The following DDX4 variants were observed in gnomAD, a reference collection of about 807,000 sequenced individuals.
The protein encoded by DDX4 is probable ATP-dependent RNA helicase DDX4.
DDX4 carries 25 observed loss-of-function variants against 100.0 expected under a neutral mutation model. That is an observed-to-expected ratio of 0.25 (90% CI 0.18 to 0.35). The LOEUF is 0.35. Among genes scored for constraint, DDX4 ranks in the 10% least tolerant of loss-of-function variants. The probability of loss-of-function intolerance (pLI) is 1.00; values close to 1 mark genes in which losing one functional copy is unlikely to be tolerated. For missense variants in DDX4, 635 were observed against 882.4 expected, an observed-to-expected ratio of 0.72 and a Z score of 3.55; for synonymous variants, 259 against 275.7, an observed-to-expected ratio of 0.94 and a Z score of 0.60.
At chr5:55,802,956 CT>C (rs907152574) in intron 18 of DDX4, among the ~76,000 whole-genome samples, 53 of 151,968 alleles carry the variant, frequency 3.5e-4, no homozygotes, top group African/African-American at 1.2e-3. Flanking sequence ...ACAGTAAACC[CT>C]TTTTTTATTA....
At chr5:55,741,836 A>G (rs1758995931) in intron 2 of DDX4, among the ~76,000 whole-genome samples, 1 of 151,316 alleles carries the variant, frequency 6.6e-6, no homozygotes, top group Admixed American at 6.6e-5. Context: ...TTACATTTTT[A>G]TGTAGAACAA....
intron 2 of DDX4, among the ~76,000 whole-genome samples, chr5:55,742,849 T>C (rs1181945036): frequency 1.3e-5 from 2 of 152,078 alleles, no homozygotes; most frequent in Non-Finnish European, 2.9e-5. Context: ...TAGTGAAAAG[T>C]ACTATAAAAA....
intron 16 of DDX4, among the ~76,000 whole-genome samples, chr5:55,791,509 T>C (rs894010846): frequency 6.6e-6 from 1 of 152,194 alleles, no homozygotes; most frequent in African/African-American, 2.4e-5. Context: ...CATGCAAAGG[T>C]AAGAGGTTCC....
intron 3 of DDX4, among the ~76,000 whole-genome samples, chr5:55,759,535 T>C (rs1760170847): frequency 6.6e-6 from 1 of 152,186 alleles, no homozygotes; most frequent in South Asian, 2.1e-4. Context: ...ACATGGCCAG[T>C]TTATAAACAC....
chr5:55,762,268 C>T (rs1423012008), intron 4 of DDX4, among the ~76,000 whole-genome samples: 2 of 152,026 alleles, frequency 1.3e-5, no homozygotes, highest in African/African-American at 4.8e-5. Flanking sequence ...GATGTCTCTC[C>T]TGTTCTTTTT....
At chr5:55,791,319 A>C (rs1333325469) in intron 16 of DDX4, among the ~76,000 whole-genome samples, 2 of 152,332 alleles carry the variant, frequency 1.3e-5, no homozygotes, top group Non-Finnish European at 2.9e-5. Flanking sequence ...TTCTGAGTTA[A>C]GAGTCATTTT....
chr5:55,754,136 C>T (rs1353147738), intron 3 of DDX4, among the ~76,000 whole-genome samples: 1 of 148,630 alleles, frequency 6.7e-6, no homozygotes, highest in East Asian at 2.0e-4. Flanking sequence ...AATTTGACTT[C>T]CTCTTTTCCT....
rs150458223 is a variant in DDX4 at position 55,784,287 on chromosome 5, G to C, written c.626-1010G>C. ...CTGATGTCCAAGGACAAGAGAAGAAGGGTGTCCCAGCTCCAGAAGAGAGAG... is the reference window on the plus strand; with the variant it reads ...CTGATGTCCAAGGACAAGAGAAGAACGGTGTCCCAGCTCCAGAAGAGAGAG... On this transcript the variant is annotated intron_variant, in intron 10 of 21. Transcript: ENST00000505374. 9.9e-3 allele frequency among the ~76,000 whole-genome samples: 1,503 copies of C among 152,198 alleles called. 19 individuals are homozygous for C. The highest frequency in any genetic ancestry group is 0.031 in the Middle Eastern group (9 of 292).
chr5:55,815,833 A>G (rs1370297468), intron 21 of DDX4, among the ~76,000 whole-genome samples: 1 of 146,926 alleles, frequency 6.8e-6, no homozygotes, highest in Non-Finnish European at 1.5e-5. Context: ...GTGCAGTGGC[A>G]TGATCTTGGC....
chr5:55,803,551 C>G lies in DDX4; in HGVS notation c.1615+4980C>G, dbSNP rs1190081083. On this transcript the variant is annotated intron_variant, in intron 18 of 21. Transcript: ENST00000505374. The stretch of plus-strand genomic sequence containing the variant: ...CCATGTGTTCTCATTGTTCAATTCC[C>G]ACCTATGAGTGAGAATATGCGGTGT... Among the ~76,000 whole-genome samples the G allele has an allele frequency of 2.1e-5, 3 of 145,168 alleles. No homozygotes were observed. In the East Asian group the frequency reaches 6.3e-4, roughly 30 times the overall value.
At chr5:55,806,708 G>T (rs937957865) in intron 18 of DDX4, among the ~76,000 whole-genome samples, 1 of 152,146 alleles carries the variant, frequency 6.6e-6, no homozygotes, top group South Asian at 2.1e-4. Context: ...TATAATTTCT[G>T]TTCTTTAACA....
In DDX4 at chr5:55,766,678, A is replaced by G. The variant is rs907262608; in HGVS notation, c.335-1203A>G. Among the ~76,000 whole-genome samples, 305 of 152,288 alleles carry G rather than the reference A, an allele frequency of 2.0e-3. 2 individuals are homozygous for G. Among genetic ancestry groups the G allele is most frequent in the Non-Finnish European group, 1.5e-3 (100 of 68,016 alleles). ...TTATTGTAGAACATTATTAGTTGTT[A>G]AATGGATTGGGACTTTCACACAGGA... is the stretch of plus-strand genomic sequence containing the variant. On this transcript the variant is annotated intron_variant, in intron 6 of 21. Transcript: ENST00000505374.
chr5:55,763,372 GAGT>G, intron 5 of DDX4, 120 bp downstream of exon 5: 1 of 696,856 alleles, frequency 1.4e-6, no homozygotes, highest in Non-Finnish European at 2.6e-6. Flanking sequence ...TATATTCTGT[GAGT>G]GCCTTTGCAC....
chr5:55,778,871 G>C (rs4242059), intron 7 of DDX4, among the ~76,000 whole-genome samples: 17,030 of 145,764 alleles, frequency 0.12, 1,454 homozygotes, highest in East Asian at 0.3. Flanking sequence ...TCCAACCTGG[G>C]TGACAGAGTG....
intron 3 of DDX4, among the ~76,000 whole-genome samples, chr5:55,753,648 G>A (rs1163510809): frequency 3.4e-5 from 5 of 148,084 alleles, no homozygotes; most frequent in Admixed American, 1.4e-4. Context: ...TTGACTTGGC[G>A]ATGCGGGCTC....
intron 21 of DDX4, 65 bp downstream of exon 21, chr5:55,815,488 A>G (rs963625489): frequency 9.1e-5 from 141 of 1,542,742 alleles, no homozygotes; most frequent in Admixed American, 2.4e-4. Context: ...TGTGCTTAAT[A>G]TTGTGAAGTA....
chr5:55,816,375 G>C, intron 21 of DDX4, 88 bp from the exon 22 acceptor site: 1 of 1,498,308 alleles, frequency 6.7e-7, no homozygotes, highest in South Asian at 1.4e-5. Context: ...TTGAGTCCTT[G>C]CTCTCAGTCT....
intron 16 of DDX4, among the ~76,000 whole-genome samples, chr5:55,791,798 G>A (rs1037015185): frequency 6.6e-6 from 1 of 152,074 alleles, no homozygotes; most frequent in Non-Finnish European, 1.5e-5. Flanking sequence ...GCTACCTTTG[G>A]CTAATGACTA....
At chr5:55,752,011 C>A (rs894636579) in intron 3 of DDX4, among the ~76,000 whole-genome samples, 3 of 152,010 alleles carry the variant, frequency 2.0e-5, no homozygotes, top group African/African-American at 7.2e-5. Context: ...ATGAATATAC[C>A]TAAATGACTC....
Sources: gnomAD v4.1 joint callset for allele counts (sites outside exome capture counted in the v4.1 genomes callset) on GRCh38, gnomAD v4.1.1 for gene constraint, MANE v1.5 for transcripts, NCBI Gene and HGNC (gene_info 2026-07-23, HGNC 2026-07-21) for gene names.